STOX2: variants seen among roughly 807,000 people sequenced by gnomAD.
The protein encoded by STOX2 is storkhead-box protein 2.
Under a neutral mutation model 60.9 loss-of-function variants are expected in STOX2, and 28 were observed. The observed-to-expected ratio is 0.46, with a 90% CI of 0.34 to 0.63. The LOEUF (loss-of-function observed/expected upper bound fraction) is 0.63. STOX2 is among the 30% of genes least tolerant of loss of function. STOX2 has a pLI of 0.01. For missense variants in STOX2, 1,024 were observed against 1,187.7 expected (o/e 0.86, Z 2.03); for synonymous variants, 472 against 463.9 (o/e 1.02, Z -0.22).
Position 184,022,457 on chromosome 4 carries a change from G to A in STOX2, c.*5173G>A, listed in dbSNP as rs1045103497. 6.6e-6 allele frequency: 1 copy of A among 152,068 alleles called. No homozygotes were observed. Among genetic ancestry groups the A allele is most frequent in the African/African-American group, 2.4e-5 (1 of 41,400 alleles). The allele number at this position is 152,068 out of a possible 1,614,324, so 9.4% of individuals were successfully genotyped here. A position where few individuals can be genotyped will look rare whatever the true frequency, so the allele number is the denominator to read the frequency against. ...TTCAGGATTCTACAAGACTCAAGGG[G>A]GAACTAAACTTTCTTACGATTGTAC... On this transcript the variant is annotated 3_prime_UTR_variant, in exon 4 of 4. Coordinates refer to ENST00000308497, the MANE Select transcript of STOX2 (RefSeq NM_020225.3).
intron 1 of STOX2, among the ~76,000 whole-genome samples, chr4:183,867,371 G>A (rs942860517): frequency 2.6e-5 from 4 of 152,204 alleles, no homozygotes; most frequent in African/African-American, 9.7e-5. Context: ...AGGGTGAAAG[G>A]CTGGCACTTC....
In STOX2 at chr4:184,001,928, AT is replaced by A. The variant is rs1182938131; in HGVS notation, c.319+454del. Among the ~76,000 whole-genome samples the A allele has an allele frequency of 2.6e-5, 4 of 151,372 alleles. No homozygotes were observed. In the South Asian group the frequency reaches 8.5e-4, roughly 32 times the overall value. On this transcript the variant is annotated intron_variant, in intron 2 of 3. Transcript: ENST00000308497. The surrounding 1 kb of genome is among the most constrained non-coding windows in gnomAD (Gnocchi z 4.2). ...AAGAAAATAATATTGATAAATTAGG[AT>A]TTCATTTTAAAAAATAAAATACTTA...
At chr4:183,852,825 T>C (rs943937075) in intron 1 of STOX2, among the ~76,000 whole-genome samples, 2 of 152,252 alleles carry the variant, frequency 1.3e-5, no homozygotes, top group African/African-American at 2.4e-5. Flanking sequence ...AGTAGAAATC[T>C]ATAAGTTCCT....
Position 184,010,795 on chromosome 4 carries a change from C to A in STOX2, c.1957C>A (p.His653Asn). The change falls in exon 3 of 4, where the codon CAC becomes AAC. Residue 653 changes from histidine to asparagine, a missense_variant. Coordinates refer to ENST00000308497, the MANE Select transcript of STOX2 (RefSeq NM_020225.3). The surrounding 1 kb of genome is among the most constrained non-coding windows in gnomAD (Gnocchi z 4.5). The part of the protein sequence containing the change: ...VPHSSREPVG[H>N]KEESPKGPGG... ...CCACTCCTCCAGGGAGCCTGTGGGGCACAAGGAGGAGTCACCAAAAGGGCC... is the reference window on the plus strand; with the variant it reads ...CCACTCCTCCAGGGAGCCTGTGGGGAACAAGGAGGAGTCACCAAAAGGGCC... The A allele has an allele frequency of 6.3e-7, 1 of 1,581,212 alleles. No homozygotes were observed.
intron 1 of STOX2, among the ~76,000 whole-genome samples, 181 bp downstream of exon 1, chr4:183,907,137 C>G (rs373989667): frequency 6.6e-6 from 1 of 152,270 alleles, no homozygotes; most frequent in African/African-American, 2.4e-5. Context: ...AGCAGGCCCT[C>G]TCAATATGGG....
At chr4:183,983,309 T>A (rs2111190679) in intron 1 of STOX2, among the ~76,000 whole-genome samples, 1 of 152,314 alleles carries the variant, frequency 6.6e-6, no homozygotes, top group African/African-American at 2.4e-5. Context: ...GCTCTCCTGG[T>A]CCTCTTTCCC....
intron 1 of STOX2, among the ~76,000 whole-genome samples, chr4:183,889,603 T>C (rs981633854): frequency 1.3e-5 from 2 of 152,234 alleles, no homozygotes; most frequent in Non-Finnish European, 2.9e-5. Context: ...TTAGCAAAGT[T>C]TGATGGACCT....
Position 184,007,015 on chromosome 4 carries a change from C to CAAA in STOX2, c.320-2128_320-2126dup, listed in dbSNP as rs61393267. Among the ~76,000 whole-genome samples the CAAA allele has an allele frequency of 1.5e-3, 80 of 52,258 alleles. 1 individual carries two copies. The highest frequency in any genetic ancestry group is 3.7e-3 in the African/African-American group (49 of 13,220). The allele number at this position is 52,258 out of a possible 152,430, so 34.3% of individuals were successfully genotyped here. A position where few individuals can be genotyped will look rare whatever the true frequency, so the allele number is the denominator to read the frequency against. ...TGGGCGACAGAGCGAGACTCTGTCT[C>CAAA]AAAAAAAAAAAAAAAAACAAAACAA... On this transcript the variant is annotated intron_variant, in intron 2 of 3. Coordinates refer to ENST00000308497, the MANE Select transcript of STOX2 (RefSeq NM_020225.3).
chr4:183,913,265 G>A (rs1741834910), intron 1 of STOX2, among the ~76,000 whole-genome samples: 1 of 152,176 alleles, frequency 6.6e-6, no homozygotes, highest in Non-Finnish European at 1.5e-5. Context: ...AATAATGTGT[G>A]GGATCTTGAA....
chr4:183,907,989 G>A (rs1741666393), intron 1 of STOX2, among the ~76,000 whole-genome samples: 1 of 152,120 alleles, frequency 6.6e-6, no homozygotes, highest in Non-Finnish European at 1.5e-5. Context: ...GTCTTAACTG[G>A]GAAGATCATT....
At chr4:183,852,272 A>AAAGGATGAGGGAAAGGATGAGG (rs1740164749) in intron 1 of STOX2, among the ~76,000 whole-genome samples, 8 of 24,744 alleles carry the variant, frequency 3.2e-4, no homozygotes, top group South Asian at 1.5e-3. Context: ...AAAGGATGAG[A>AAAGGATGAGGGAAAGGATGAGG]GAAACGATGA....
At chr4:183,974,464 A>G (rs559618699) in intron 1 of STOX2, among the ~76,000 whole-genome samples, 1 of 152,276 alleles carries the variant, frequency 6.6e-6, no homozygotes, top group East Asian at 1.9e-4. Flanking sequence ...TGACCAAAGG[A>G]TATGCTATCT....
chr4:183,961,651 C>G lies in STOX2; in HGVS notation c.167-39674C>G, dbSNP rs73002673. 2.7e-3 allele frequency among the ~76,000 whole-genome samples: 415 copies of G among 152,352 alleles called. 2 individuals carry two copies. Among genetic ancestry groups the G allele is most frequent in the African/African-American group, 9.6e-3 (401 of 41,582 alleles). On this transcript the variant is annotated intron_variant, in intron 1 of 3. Coordinates refer to ENST00000308497, the MANE Select transcript of STOX2 (RefSeq NM_020225.3). ...TGCGTATCTTCCACAGTGGTGACGT[C>G]TGGGCTTTTAGTGTGCCCATCACCC...
chr4:183,860,481 G>C (rs989658446), intron 1 of STOX2, among the ~76,000 whole-genome samples: 1 of 148,138 alleles, frequency 6.8e-6, no homozygotes, highest in Admixed American at 6.7e-5. Context: ...GAAAAAATTG[G>C]AGAATTGAGT....
chr4:183,971,125 A>G (rs1401931277), intron 1 of STOX2, among the ~76,000 whole-genome samples: 2 of 152,208 alleles, frequency 1.3e-5, no homozygotes, highest in East Asian at 1.9e-4. Context: ...ATAGAAGCCA[A>G]TCATGTTCAT....
upstream of STOX2, among the ~76,000 whole-genome samples, chr4:183,900,433 T>A (rs1741437204): frequency 6.6e-6 from 1 of 152,182 alleles, no homozygotes; most frequent in Non-Finnish European, 1.5e-5. Flanking sequence ...CCATTCTAGA[T>A]GCCATTAGGA....
At position 184,021,388 on chromosome 4, in the gene STOX2, T is replaced by C. The variant is rs1395290817; in HGVS notation, c.*4104T>C. Reference sequence around the variant, plus strand: ...AAAATACAATGCTATTTTTCTGATGTGTGCTAATAAAGTCAAAGAAAACAA... The same window carrying C: ...AAAATACAATGCTATTTTTCTGATGCGTGCTAATAAAGTCAAAGAAAACAA... On this transcript the variant is annotated 3_prime_UTR_variant, in exon 4 of 4. Coordinates refer to ENST00000308497, the MANE Select transcript of STOX2 (RefSeq NM_020225.3). 6.6e-6 allele frequency: 1 copy of C among 152,130 alleles called. No individual in the cohort carries two copies. Among genetic ancestry groups the C allele is most frequent in the Non-Finnish European group, 1.5e-5 (1 of 68,034 alleles). 9.4% of individuals were successfully genotyped at this position (152,130 alleles called of 1,614,324 possible). A position where few individuals can be genotyped will look rare whatever the true frequency, so the allele number is the denominator to read the frequency against.
intron 1 of STOX2, among the ~76,000 whole-genome samples, chr4:183,937,375 G>T (rs1742617246): frequency 6.6e-6 from 1 of 152,228 alleles, no homozygotes; most frequent in East Asian, 1.9e-4. Context: ...CTGAAGGAGA[G>T]AATTTCCAAT....
chr4:183,862,123 A>G (rs568388823), intron 1 of STOX2, among the ~76,000 whole-genome samples: 7 of 152,322 alleles, frequency 4.6e-5, no homozygotes, highest in African/African-American at 1.7e-4. Context: ...CAACAAAAGC[A>G]TATGAGAATG....
Sources: gnomAD v4.1 joint callset for allele counts (sites outside exome capture counted in the v4.1 genomes callset) on GRCh38, gnomAD v4.1.1 for gene constraint, Gnocchi (gnomAD v3.1) non-coding constraint, MANE v1.5 for transcripts, NCBI Gene and HGNC (gene_info 2026-07-23, HGNC 2026-07-21) for gene names.